The following USP46 variants were observed in gnomAD, a reference collection of about 807,000 sequenced individuals.
USP46 encodes the protein ubiquitin specific peptidase 46.
A neutral mutation model predicts 44.4 loss-of-function variants in USP46; 12 were observed. The observed-to-expected ratio is 0.27, with a 90% confidence interval of 0.17 to 0.44. USP46 has a LOEUF of 0.44. Among genes scored for constraint, USP46 ranks in the 20% least tolerant of loss-of-function variants. The pLI is 1.00. For missense variants in USP46, 248 were observed against 444.8 expected, an observed-to-expected ratio of 0.56 and a Z score of 3.98; for synonymous variants, 155 against 161.5, an observed-to-expected ratio of 0.96 and a Z score of 0.31.
chr4:52,646,676 T>C (rs1316039058), intron 1 of USP46, among the ~76,000 whole-genome samples: 5 of 152,188 alleles, frequency 3.3e-5, no homozygotes, highest in African/African-American at 1.2e-4. Flanking sequence ...TGAGACAGAT[T>C]GAAAATAACA....
intron 6 of USP46, among the ~76,000 whole-genome samples, chr4:52,603,569 C>T (rs1379386353): frequency 6.6e-6 from 1 of 152,170 alleles, no homozygotes; most frequent in African/African-American, 2.4e-5. Context: ...TGGCAACTTT[C>T]CTGGCTTGTA....
chr4:52,635,591 C>T (rs922703170), intron 1 of USP46, among the ~76,000 whole-genome samples: 2 of 152,206 alleles, frequency 1.3e-5, no homozygotes, highest in African/African-American at 2.4e-5. Flanking sequence ...ACTCCCCCAA[C>T]TTCCTACATG....
chr4:52,626,633 C>G (rs376306582), intron 3 of USP46, among the ~76,000 whole-genome samples: 1 of 152,172 alleles, frequency 6.6e-6, no homozygotes, highest in African/African-American at 2.4e-5. Context: ...CATACTTCAA[C>G]TTTTATATTG....
Position 52,626,131 on chromosome 4 carries a change from T to C in USP46, c.448A>G (p.Lys150Glu). 6.2e-7 allele frequency: 1 copy of C among 1,613,960 alleles called. No homozygotes were observed. Among genetic ancestry groups the C allele is most frequent in the Non-Finnish European group, 8.5e-7 (1 of 1,179,868 alleles). ...GCAGGTTCGTTCATGTTGCCATTTTTTAATTTTCCATTTTGTTTTTCCTGT... is the reference window on the plus strand; with the variant it reads ...GCAGGTTCGTTCATGTTGCCATTTTCTAATTTTCCATTTTGTTTTTCCTGT... ...KKQEKQNGKL[K>E]NGNMNEPAEN... is the part of the protein sequence containing the mutation. The change falls in exon 4 of 9, where the codon AAA (lysine) becomes GAA (glutamate). Residue 150 changes from lysine to glutamate, a missense_variant. Around this residue, in one of 5 missense-constraint regions of USP46, gnomAD observed 37 missense variants for 30.6 expected, o/e 1.21. Coordinates refer to ENST00000441222, the MANE Select transcript of USP46 (RefSeq NM_022832.4).
Position 52,632,916 on chromosome 4 carries a change from AAGAGAAAGAAAG to A in USP46, c.37-1784_37-1773del, listed in dbSNP as rs1348704973. The stretch of plus-strand genomic sequence containing the variant: ...GAAGGAAGGGAAAGAGAAAGAAAGA[AAGAGAAAGAAAG>A]AAAGAAAGAAAGAAAGAAAGAAAGA... On this transcript the variant is annotated intron_variant, in intron 1 of 8. Coordinates refer to ENST00000441222, the MANE Select transcript of USP46 (RefSeq NM_022832.4). Among the ~76,000 whole-genome samples the A allele has an allele frequency of 3.8e-5, 3 of 79,554 alleles. 1 individual carries two copies. The highest frequency in any genetic ancestry group is 1.2e-4 in the African/African-American group (3 of 24,714). The allele number at this position is 79,554 out of a possible 152,430, so 52.2% of individuals were successfully genotyped here. A position where few individuals can be genotyped will look rare whatever the true frequency, so the allele number is the denominator to read the frequency against.
chr4:52,630,736 C>CAAAAAAAAAAAAAAAAAAA (rs10566870), intron 2 of USP46, among the ~76,000 whole-genome samples: 1 of 92,292 alleles, frequency 1.1e-5, no homozygotes. Context: ...GACTCTGTCT[C>CAAAAAAAAAAAAAAAAAAA]AAAAAAAAAA....
At chr4:52,621,859 A>C (rs535403414) in intron 4 of USP46, among the ~76,000 whole-genome samples, 9 of 152,332 alleles carry the variant, frequency 5.9e-5, no homozygotes, top group Non-Finnish European at 1.2e-4. Context: ...CAAAAACTAG[A>C]CACACCATAG....
chr4:52,627,775 T>C (rs1717650114), intron 3 of USP46, among the ~76,000 whole-genome samples, 175 bp downstream of exon 3: 1 of 152,252 alleles, frequency 6.6e-6, no homozygotes, highest in Non-Finnish European at 1.5e-5. Flanking sequence ...CCCAGTTTTG[T>C]TTTAAGTTTA....
intron 1 of USP46, among the ~76,000 whole-genome samples, chr4:52,647,025 T>C (rs112504754): frequency 0.059 from 9,045 of 152,284 alleles, 366 homozygotes; most frequent in Non-Finnish European, 0.093. Flanking sequence ...GACAAAGTTG[T>C]TCCTTACAGC....
At chr4:52,646,199 C>T (rs909570712) in intron 1 of USP46, among the ~76,000 whole-genome samples, 1 of 152,220 alleles carries the variant, frequency 6.6e-6, no homozygotes, top group East Asian at 1.9e-4. Flanking sequence ...GTGAAAATCA[C>T]AACACCTGCA....
At chr4:52,632,994 G>GAAAGAAAGA (rs1717964381) in intron 1 of USP46, among the ~76,000 whole-genome samples, 1 of 91,324 alleles carries the variant, frequency 1.1e-5, no homozygotes, top group Non-Finnish European at 2.2e-5. Flanking sequence ...GAAAAGAAAA[G>GAAAGAAAGA]AAAGAAAGAA....
intron 4 of USP46, among the ~76,000 whole-genome samples, chr4:52,625,633 A>C (rs1466079279): frequency 6.6e-6 from 1 of 152,196 alleles, no homozygotes; most frequent in Non-Finnish European, 1.5e-5. Flanking sequence ...CAAGTTCAAC[A>C]TACCACAGCT....
intron 1 of USP46, among the ~76,000 whole-genome samples, chr4:52,658,881 T>TTG (rs1478757777): frequency 4.3e-4 from 65 of 150,700 alleles, no homozygotes; most frequent in African/African-American, 1.5e-3. Context: ...GGCCCCGGGA[T>TTG]CGCCGGGCGG....
At chr4:52,616,310 C>A (rs905482050) in intron 4 of USP46, among the ~76,000 whole-genome samples, 1 of 152,194 alleles carries the variant, frequency 6.6e-6, no homozygotes, top group East Asian at 1.9e-4. Flanking sequence ...ATAGTTCTGA[C>A]ACTAAGAGAT....
chr4:52,626,768 C>T (rs1717606883), intron 3 of USP46, among the ~76,000 whole-genome samples: 1 of 152,074 alleles, frequency 6.6e-6, no homozygotes, highest in Non-Finnish European at 1.5e-5. Flanking sequence ...CAAAATTTCC[C>T]GTATCTCCCT....
intron 7 of USP46, 105 bp downstream of exon 7, chr4:52,601,752 A>G: frequency 8.0e-7 from 1 of 1,252,238 alleles, no homozygotes; most frequent in Non-Finnish European, 1.1e-6. Flanking sequence ...AGAGATCCCA[A>G]AACTATTGAG....
At chr4:52,607,844 C>T (rs930149170) in intron 5 of USP46, among the ~76,000 whole-genome samples, 1 of 152,186 alleles carries the variant, frequency 6.6e-6, no homozygotes, top group Admixed American at 6.5e-5. Flanking sequence ...CTGAGGCTTC[C>T]TCAGAAGCCA....
chr4:52,599,604 C>T (rs1219262173), intron 7 of USP46, among the ~76,000 whole-genome samples: 1 of 152,132 alleles, frequency 6.6e-6, no homozygotes, highest in Admixed American at 6.5e-5. Flanking sequence ...AAGCCGTATA[C>T]TATGCTATAT....
intron 4 of USP46, among the ~76,000 whole-genome samples, chr4:52,611,061 C>G (rs1716916464): frequency 6.6e-6 from 1 of 152,242 alleles, no homozygotes; most frequent in Non-Finnish European, 1.5e-5. Flanking sequence ...AAATCACTCC[C>G]TTTCTCCCTT....
Sources: gnomAD v4.1 joint callset for allele counts (sites outside exome capture counted in the v4.1 genomes callset) on GRCh38, gnomAD v4.1.1 for gene constraint, gnomAD v4.1.1 regional missense constraint, MANE v1.5 for transcripts, NCBI Gene and HGNC (gene_info 2026-07-23, HGNC 2026-07-21) for gene names.